Variants in DMD observed in about 807,000 individuals in gnomAD.
DMD encodes dystrophin.
A neutral mutation model predicts 330.1 loss-of-function variants in DMD; 63 were observed. The observed-to-expected ratio is 0.19, with a 90% confidence interval of 0.16 to 0.24. The LOEUF is 0.24. DMD is among the 10% of genes least tolerant of loss of function. The pLI, the probability that DMD is intolerant of heterozygous loss-of-function variation, is 1.00. For synonymous variants in DMD, 1,223 were observed against 959.8 expected (o/e 1.27, Z -5.07); for missense variants, 3,344 against 2,684.1 (o/e 1.25, Z -5.43).
chrX:31,803,106 C>T (rs965527602), intron 50 of DMD, among the ~76,000 whole-genome samples: 1 of 112,127 alleles, frequency 8.9e-6, no homozygotes, highest in Non-Finnish European at 1.9e-5. Flanking sequence ...CCATGGGCTC[C>T]CATCTCCATT....
chrX:32,774,292 G>A (rs747310913), intron 7 of DMD, among the ~76,000 whole-genome samples: 5 of 111,868 alleles, frequency 4.5e-5, no homozygotes, highest in Admixed American at 9.5e-5. Context: ...GAAACAATTC[G>A]TAAGATGCAA....
intron 9 of DMD, among the ~76,000 whole-genome samples, chrX:32,695,197 C>A (rs190596901): frequency 8.9e-6 from 1 of 111,900 alleles, no homozygotes; most frequent in East Asian, 2.8e-4. Context: ...TGCAGCGTCA[C>A]CCTACTATAA....
At chrX:32,563,014 T>C (rs769260269) in intron 16 of DMD, among the ~76,000 whole-genome samples, 20 of 111,021 alleles carry the variant, frequency 1.8e-4, no homozygotes, top group Non-Finnish European at 3.4e-4. Flanking sequence ...TAGCCCACAA[T>C]AGGAGCGTGT....
At chrX:31,215,917 T>C (rs957026360) in intron 64 of DMD, among the ~76,000 whole-genome samples, 2 of 112,133 alleles carry the variant, frequency 1.8e-5, no homozygotes, top group African/African-American at 6.5e-5. Flanking sequence ...TTCTGTGACA[T>C]ACCCAAACCA....
chrX:32,100,402 T>C (rs72626010), intron 44 of DMD, among the ~76,000 whole-genome samples: 6,709 of 106,997 alleles, frequency 0.063, 433 homozygotes, highest in African/African-American at 0.18. Context: ...TATATATATA[T>C]ATATTAGCTA....
chrX:32,894,389 A>C (rs1304607581), intron 2 of DMD, among the ~76,000 whole-genome samples: 1 of 112,653 alleles, frequency 8.9e-6, no homozygotes, highest in East Asian at 2.8e-4. Context: ...CCTTACCTGT[A>C]GAAACGATCC....
intron 47 of DMD, among the ~76,000 whole-genome samples, chrX:31,902,775 T>C (rs2094438409): frequency 8.9e-6 from 1 of 111,902 alleles, no homozygotes; most frequent in African/African-American, 3.2e-5. Flanking sequence ...GTTGTGGATT[T>C]ATATTTTTCT....
chrX:32,643,918 A>G (rs1411999921), intron 11 of DMD, among the ~76,000 whole-genome samples: 4 of 111,950 alleles, frequency 3.6e-5, no homozygotes, highest in African/African-American at 1.3e-4. Context: ...AGTTCTGTAG[A>G]TAACAGTGCA....
chrX:32,866,700 T>TATATAC (rs199636980), intron 2 of DMD, among the ~76,000 whole-genome samples: 978 of 81,040 alleles, frequency 0.012, 12 homozygotes, highest in East Asian at 0.06. Context: ...TCAACCTTAA[T>TATATAC]ATATACATAC....
chrX:32,843,128 A>G (rs2080321540), intron 4 of DMD, among the ~76,000 whole-genome samples: 1 of 112,175 alleles, frequency 8.9e-6, no homozygotes, highest in African/African-American at 3.2e-5. Flanking sequence ...TTCTTTATGC[A>G]GGATTGAGTT....
intron 9 of DMD, among the ~76,000 whole-genome samples, chrX:32,690,492 A>C (rs983799671): frequency 1.8e-5 from 2 of 111,576 alleles, no homozygotes; most frequent in Non-Finnish European, 3.8e-5. Context: ...ACAGAGAAAA[A>C]CTCTGAAATT....
chrX:32,014,321 T>TCA (rs749573711), intron 44 of DMD, among the ~76,000 whole-genome samples: 38,376 of 109,961 alleles, frequency 0.35, 7,104 homozygotes, highest in African/African-American at 0.71. Context: ...ACAGATTCAT[T>TCA]TCCATAATAC....
chrX:32,042,618 G>C (rs767441883), intron 44 of DMD, among the ~76,000 whole-genome samples: 8 of 111,459 alleles, frequency 7.2e-5, no homozygotes, highest in African/African-American at 2.6e-4. Context: ...ATTTATTTCT[G>C]GTAGATGAAC....
At chrX:31,976,144 T>G (rs753181985) in intron 44 of DMD, among the ~76,000 whole-genome samples, 4 of 110,280 alleles carry the variant, frequency 3.6e-5, no homozygotes, top group Non-Finnish European at 7.6e-5. Flanking sequence ...TGAGGAAAGA[T>G]GGTCGCTTGG....
intron 65 of DMD, among the ~76,000 whole-genome samples, chrX:31,207,665 C>G (rs190916304): frequency 9.0e-6 from 1 of 111,686 alleles, no homozygotes; most frequent in African/African-American, 3.3e-5. Flanking sequence ...TAAGTGGAAG[C>G]TAAATGATGA....
At chrX:33,071,719 T>C (rs939774051) in intron 1 of DMD, among the ~76,000 whole-genome samples, 1 of 111,624 alleles carries the variant, frequency 9.0e-6, no homozygotes, top group Non-Finnish European at 1.9e-5. Context: ...ATATATCCAG[T>C]TTTACTTACG....
intron 29 of DMD, among the ~76,000 whole-genome samples, chrX:32,426,861 CA>C (rs2098215116): frequency 9.0e-6 from 1 of 111,307 alleles, no homozygotes. Context: ...CAGGAACAGA[CA>C]ACTAAATATC....
intron 7 of DMD, among the ~76,000 whole-genome samples, chrX:32,743,504 AAAAG>A (rs2069578043): frequency 9.0e-6 from 1 of 111,481 alleles, no homozygotes. Context: ...CCAAAATCAA[AAAAG>A]AAAGGACCCT....
At chrX:32,512,625 G>A (rs1452248482) in intron 18 of DMD, among the ~76,000 whole-genome samples, 1 of 112,333 alleles carries the variant, frequency 8.9e-6, no homozygotes, top group Non-Finnish European at 1.9e-5. Context: ...ATTAGTTTGT[G>A]CAAGTAAACA....
Sources: gnomAD v4.1 joint callset for allele counts (sites outside exome capture counted in the v4.1 genomes callset) on GRCh38, gnomAD v4.1.1 for gene constraint, MANE v1.5 for transcripts, NCBI Gene and HGNC (gene_info 2026-07-23, HGNC 2026-07-21) for gene names.